The following TRIM66 variants were observed in gnomAD, a reference collection of about 807,000 sequenced individuals.
The protein encoded by TRIM66 is tripartite motif-containing protein 66.
A neutral mutation model predicts 148.2 loss-of-function variants in TRIM66; 99 were observed. The observed-to-expected ratio is 0.67, with a 90% confidence interval of 0.57 to 0.79. The LOEUF is 0.79. TRIM66 is among the 30% of genes least tolerant of loss of function. The pLI, the probability that TRIM66 is intolerant of heterozygous loss-of-function variation, is 0.00. For missense variants in TRIM66, 1,666 were observed against 1,697.9 expected, an observed-to-expected ratio of 0.98 and a Z score of 0.33; for synonymous variants, 616 against 635.9, an observed-to-expected ratio of 0.97 and a Z score of 0.47.
Position 8,618,832 on chromosome 11 carries a change from C to T in TRIM66, c.4037G>A (p.Ser1346Asn). 6.4e-7 allele frequency: 1 copy of T among 1,551,472 alleles called. No homozygotes were observed. Among genetic ancestry groups the T allele is most frequent in the Non-Finnish European group, 8.7e-7 (1 of 1,146,948 alleles). ...DSDSEEVSSESGCSTPQGFPW... is the reference protein window; with the variant it reads ...DSDSEEVSSENGCSTPQGFPW... ...GAAGCCCTGGGGAGTGGAACATCCA[C>T]TCTCACTAGACACCTCCTCGGAGTC... The change falls in exon 24 of 25, where the codon AGT becomes AAT. Residue 1346 changes from serine to asparagine, a missense_variant. Physicochemically the swap from Ser to Asn is conservative, Grantham distance 46 (BLOSUM62 1). This residue lies in a region of TRIM66 where 204 missense variants were observed against 231.0 expected (regional missense o/e 0.88). Transcript: ENST00000646038.
At chr11:8,619,147 T>C in intron 23 of TRIM66, 179 bp from the exon 24 acceptor site, 1 of 722,786 alleles carries the variant, frequency 1.4e-6, no homozygotes, top group East Asian at 2.7e-5. Context: ...ATAGCAGAAG[T>C]GACCCCAACA....
intron 13 of TRIM66, among the ~76,000 whole-genome samples, chr11:8,642,762 A>G (rs1290423148): frequency 1.3e-5 from 2 of 148,500 alleles, no homozygotes; most frequent in Non-Finnish European, 3.0e-5. Context: ...ACAGAATGGT[A>G]AACTCAGATT....
intron 15 of TRIM66, among the ~76,000 whole-genome samples, chr11:8,628,612 CAA>C (rs750649249): frequency 3.7e-4 from 30 of 80,660 alleles, no homozygotes; most frequent in South Asian, 3.0e-3. Flanking sequence ...GACCCTGTCT[CAA>C]AAAAAAAAAA....
intron 4 of TRIM66, among the ~76,000 whole-genome samples, 153 bp from the exon 5 acceptor site, chr11:8,672,538 G>T (rs2038985177): frequency 6.6e-6 from 1 of 152,070 alleles, no homozygotes; most frequent in African/African-American, 2.4e-5. Flanking sequence ...TAGAGAGGCT[G>T]GGTCACGCAC....
At chr11:8,618,507 A>T (rs2033887293) in intron 24 of TRIM66, among the ~76,000 whole-genome samples, 1 of 152,158 alleles carries the variant, frequency 6.6e-6, no homozygotes, top group Non-Finnish European at 1.5e-5. Flanking sequence ...GTCTGCTGCT[A>T]AATGCTGGGT....
chr11:8,682,677 G>A (rs2039501565), upstream of TRIM66: 3 of 960,360 alleles, frequency 3.1e-6, no homozygotes, highest in East Asian at 2.4e-5. Flanking sequence ...ACTAGCAGGC[G>A]CGCAATCCCG....
In TRIM66 at chr11:8,672,339, A is replaced by T; in HGVS notation, c.-65T>A. ...TGTCTGAAGGCGAACAAACCCTTCA[A>T]AAGTGTCCCGTACCTGTGCCTCTCC... On this transcript the variant is annotated 5_prime_UTR_variant, in exon 5 of 25. It adds an upstream start codon to the 5' untranslated region. Transcript: ENST00000646038. 1.3e-6 allele frequency: 2 copies of T among 1,535,786 alleles called. No homozygotes were observed. Among genetic ancestry groups the T allele is most frequent in the Non-Finnish European group, 1.7e-6 (2 of 1,146,730 alleles).
chr11:8,683,019 A>C, upstream of TRIM66: 1 of 852,230 alleles, frequency 1.2e-6, no homozygotes, highest in South Asian at 1.7e-5. Flanking sequence ...TCTCTAGGAC[A>C]CGCGGGCCCC....
intron 6 of TRIM66, among the ~76,000 whole-genome samples, chr11:8,668,852 C>T (rs779689704): frequency 3.3e-5 from 5 of 152,152 alleles, no homozygotes; most frequent in African/African-American, 1.2e-4. Flanking sequence ...TCCCAAAGTG[C>T]TGGGATTACA....
chr11:8,634,285 C>G (rs1207367228), intron 15 of TRIM66, among the ~76,000 whole-genome samples: 1 of 152,222 alleles, frequency 6.6e-6, no homozygotes, highest in East Asian at 1.9e-4. Context: ...CATGCCTTAA[C>G]CTCCTGAGTA....
rs1344071403 is a variant in TRIM66, at chr11:8,617,766, T to C, written c.*178A>G. 3 of 609,872 alleles carry C rather than the reference T, an allele frequency of 4.9e-6. No individual in the cohort carries two copies. Among genetic ancestry groups the C allele is most frequent in the Non-Finnish European group, 8.8e-6 (3 of 341,526 alleles). The allele number at this position is 609,872 out of a possible 1,614,324, so 37.8% of individuals were successfully genotyped here. A position where few individuals can be genotyped will look rare whatever the true frequency, so the allele number is the denominator to read the frequency against. On this transcript the variant is annotated 3_prime_UTR_variant, in exon 25 of 25. Coordinates refer to ENST00000646038, the MANE Select transcript of TRIM66 (RefSeq NM_001388022.1). ...TTTATTACTGAAATCTTCTCTGTAG[T>C]GGATGTACTACGGCTCCCAAATAAA...
Position 8,648,454 on chromosome 11 carries a change from A to T in TRIM66, c.687T>A (p.Thr229=). The T allele has an allele frequency of 1.9e-6, 3 of 1,551,734 alleles. No individual in the cohort carries two copies. Among genetic ancestry groups the T allele is most frequent in the Non-Finnish European group, 2.6e-6 (3 of 1,147,008 alleles). Residue 229 remains threonine, a synonymous_variant, in exon 9 of 25, where the codon ACT becomes ACA. Transcript: ENST00000646038. ...KLFCETCDML[T]CHSCLVVEHK... ...GTTCCACCACTAGGCAGCTATGGCA[A>T]GTGAGCATATCACATGTCTCACAGA...
chr11:8,616,803 C>T lies in TRIM66; in HGVS notation c.*1141G>A, dbSNP rs1478012075. 6.6e-6 allele frequency: 1 copy of T among 152,212 alleles called. No individual in the cohort carries two copies. Among genetic ancestry groups the T allele is most frequent in the Non-Finnish European group, 1.5e-5 (1 of 68,062 alleles). The allele number at this position is 152,212 out of a possible 1,614,324, so 9.4% of individuals were successfully genotyped here. A position where few individuals can be genotyped will look rare whatever the true frequency, so the allele number is the denominator to read the frequency against. ...TGTTGGTCCCTGAGGCCTTCTCTAACCTCCAACAAAAAGGGCTGCCAGAAA... is the reference window on the plus strand; with the variant it reads ...TGTTGGTCCCTGAGGCCTTCTCTAATCTCCAACAAAAAGGGCTGCCAGAAA... On this transcript the variant is annotated 3_prime_UTR_variant, in exon 25 of 25. Transcript: ENST00000646038.
chr11:8,673,036 T>G (rs1471510007), intron 4 of TRIM66, among the ~76,000 whole-genome samples: 2 of 151,596 alleles, frequency 1.3e-5, no homozygotes, highest in Non-Finnish European at 2.9e-5. Flanking sequence ...ACCTCCCAGG[T>G]TCACGCCATT....
rs1318017543 is a variant in TRIM66 at position 8,617,586 on chromosome 11, C to G, written c.*358G>C. 6 of 260,602 alleles carry G rather than the reference C, an allele frequency of 2.3e-5. No individual in the cohort carries two copies. The highest frequency in any genetic ancestry group is 1.3e-4 in the African/African-American group (6 of 45,274). 16.1% of individuals were successfully genotyped at this position (260,602 alleles called of 1,614,324 possible). A position where few individuals can be genotyped will look rare whatever the true frequency, so the allele number is the denominator to read the frequency against. ...CAGATGTATACATGGCTCCTGAGCCCTGGACACTAAAAGGTTAGACGGGTC... is the reference window on the plus strand; with the variant it reads ...CAGATGTATACATGGCTCCTGAGCCGTGGACACTAAAAGGTTAGACGGGTC... On this transcript the variant is annotated 3_prime_UTR_variant, in exon 25 of 25. Transcript: ENST00000646038.
chr11:8,644,872 G>A (rs1035861345), intron 12 of TRIM66, among the ~76,000 whole-genome samples: 4 of 152,110 alleles, frequency 2.6e-5, no homozygotes, highest in African/African-American at 7.2e-5. Flanking sequence ...GAGGCTGCTC[G>A]TCACTATTCA....
In TRIM66 at chr11:8,625,462, ATTGTGT is replaced by A. The variant is rs757671360; in HGVS notation, c.2311-240_2311-235del. On this transcript the variant is annotated intron_variant, in intron 15 of 24. Coordinates refer to ENST00000646038, the MANE Select transcript of TRIM66 (RefSeq NM_001388022.1). ...GAGAGAGAGGCACAAGCGGAGAACT[ATTGTGT>A]GTGTGTGTGTGTGTGTGTGTGTGTG... Among the ~76,000 whole-genome samples, 49 of 43,570 alleles carry A rather than the reference ATTGTGT, an allele frequency of 1.1e-3. 2 individuals carry two copies. Among genetic ancestry groups the A allele is most frequent in the Non-Finnish European group, 5.1e-5 (1 of 19,764 alleles). The allele number at this position is 43,570 out of a possible 152,430, so 28.6% of individuals were successfully genotyped here.
At chr11:8,633,836 T>C (rs988413824) in intron 15 of TRIM66, among the ~76,000 whole-genome samples, 2 of 152,174 alleles carry the variant, frequency 1.3e-5, no homozygotes, top group Non-Finnish European at 2.9e-5. Context: ...CACAGCTTAA[T>C]GTAAATCTCA....
At chr11:8,651,734 C>A in intron 7 of TRIM66, 66 bp downstream of exon 7, 1 of 1,266,648 alleles carries the variant, frequency 7.9e-7, no homozygotes, top group South Asian at 1.3e-5. Flanking sequence ...GGATAGAAGA[C>A]TTATGGACAG....
Sources: gnomAD v4.1 joint callset for allele counts (sites outside exome capture counted in the v4.1 genomes callset) on GRCh38, gnomAD v4.1.1 for gene constraint, gnomAD v4.1.1 regional missense constraint, MANE v1.5 for transcripts, NCBI Gene and HGNC (gene_info 2026-07-23, HGNC 2026-07-21) for gene names.